The following SHROOM3 variants were observed in gnomAD, a reference collection of about 807,000 sequenced individuals.
SHROOM3 encodes the protein shroom family member 3.
SHROOM3 carries 47 observed loss-of-function variants against 138.6 expected under a neutral mutation model. The observed-to-expected ratio is 0.34, with a 90% confidence interval of 0.27 to 0.43. The LOEUF (loss-of-function observed/expected upper bound fraction) is 0.43. Ranked by LOEUF, SHROOM3 falls within the 20% of genes least tolerant of loss-of-function variation. SHROOM3 has a pLI of 1.00. For synonymous variants in SHROOM3, 1,062 were observed against 1,063.3 expected (o/e 1.00, Z 0.02); for missense variants, 2,491 against 2,596.5 (o/e 0.96, Z 0.88).
rs868235804 is a variant in SHROOM3, at chr4:76,472,847, G to A, written c.168+36627G>A. 3.9e-5 allele frequency among the ~76,000 whole-genome samples: 6 copies of A among 152,042 alleles called. No individual in the cohort carries two copies. The Middle Eastern group carries it at 0.01, about 259-fold the overall frequency. On this transcript the variant is annotated intron_variant, in intron 1 of 10. Transcript: ENST00000296043. ...GTAGCTGGGACTACAGACATGTGCC[G>A]CCATGTCCAGCTAATTTTTGTATTT...
intron 2 of SHROOM3, among the ~76,000 whole-genome samples, chr4:76,617,865 A>G (rs1467122926): frequency 6.6e-6 from 1 of 152,266 alleles, no homozygotes; most frequent in African/African-American, 2.4e-5. Flanking sequence ...TAGAATGAGA[A>G]TTTGAAACTT....
chr4:76,739,178 C>T lies in SHROOM3; in HGVS notation c.1005C>T (p.Ala335=). 6.2e-7 allele frequency: 1 copy of T among 1,614,096 alleles called. No individual in the cohort carries two copies. Among genetic ancestry groups the T allele is most frequent in the South Asian group, 1.1e-5 (1 of 91,076 alleles). Residue 335 remains alanine (A), a synonymous_variant, in exon 5 of 11, where the codon GCC becomes GCT. Coordinates refer to ENST00000296043, the MANE Select transcript of SHROOM3 (RefSeq NM_020859.4). ...SSALLLQGRE[A]RASANGQGYD... ...CCCTGCTGCTTCAAGGTAGGGAGGC[C>T]CGAGCCTCAGCAAATGGTCAGGGCT... is the stretch of plus-strand genomic sequence containing the variant.
At chr4:76,686,098 C>T (rs1719327756) in intron 2 of SHROOM3, among the ~76,000 whole-genome samples, 1 of 152,102 alleles carries the variant, frequency 6.6e-6, no homozygotes, top group South Asian at 2.1e-4. Context: ...GCTTCAAACT[C>T]CTAGGTACAA....
In SHROOM3 at chr4:76,780,855, G is replaced by C. The variant is rs191618431; in HGVS notation, c.*1678G>C. 1 of 152,186 alleles carries C rather than the reference G, an allele frequency of 6.6e-6. No individual in the cohort carries two copies. The highest frequency in any genetic ancestry group is 1.5e-5 in the Non-Finnish European group (1 of 68,062). 9.4% of individuals were successfully genotyped at this position (152,186 alleles called of 1,614,324 possible). A position where few individuals can be genotyped will look rare whatever the true frequency, so the allele number is the denominator to read the frequency against. Reference sequence around the variant, plus strand: ...CAGGAAAGCAGTAGAACCAGTGACAGCATTCAACAGCCACACTGCATGGTC... The same window carrying C: ...CAGGAAAGCAGTAGAACCAGTGACACCATTCAACAGCCACACTGCATGGTC... On this transcript the variant is annotated 3_prime_UTR_variant, in exon 11 of 11. Coordinates refer to ENST00000296043, the MANE Select transcript of SHROOM3 (RefSeq NM_020859.4).
intron 1 of SHROOM3, among the ~76,000 whole-genome samples, chr4:76,437,797 T>A (rs975742962): frequency 6.6e-6 from 1 of 152,230 alleles, no homozygotes; most frequent in African/African-American, 2.4e-5. Flanking sequence ...CAGATAATTC[T>A]GCAATGAACA....
At chr4:76,769,490 C>T (rs1489978075) in intron 9 of SHROOM3, among the ~76,000 whole-genome samples, 9 of 152,176 alleles carry the variant, frequency 5.9e-5, no homozygotes, top group Non-Finnish European at 1.3e-4. Context: ...TGAATTCAAA[C>T]TAGAAGCCAC....
At chr4:76,506,288 T>C (rs1391295446) in intron 1 of SHROOM3, among the ~76,000 whole-genome samples, 1 of 152,060 alleles carries the variant, frequency 6.6e-6, no homozygotes, top group Non-Finnish European at 1.5e-5. Context: ...GATGATGGGT[T>C]GATGGGTGCA....
chr4:76,778,766 C>T (rs778761522), intron 10 of SHROOM3, 43 bp from the exon 11 acceptor site: 45 of 1,611,614 alleles, frequency 2.8e-5, no homozygotes, highest in Non-Finnish European at 3.7e-5. Flanking sequence ...CTCTTTTCTC[C>T]CTTTCCCTGG....
chr4:76,438,031 T>A (rs1730595679), intron 1 of SHROOM3, among the ~76,000 whole-genome samples: 1 of 152,128 alleles, frequency 6.6e-6, no homozygotes, highest in Admixed American at 6.5e-5. Context: ...AACCATGCAT[T>A]TAGGTTAGTG....
intron 2 of SHROOM3, among the ~76,000 whole-genome samples, chr4:76,682,008 A>G (rs910936966): frequency 6.7e-6 from 1 of 149,896 alleles, no homozygotes; most frequent in Non-Finnish European, 1.5e-5. Flanking sequence ...CCTACATAAC[A>G]CTCCTAACTC....
chr4:76,779,077 C>T lies in SHROOM3; in HGVS notation c.5891C>T (p.Ala1964Val), dbSNP rs372475659. 1.2e-6 allele frequency: 2 copies of T among 1,614,082 alleles called. No homozygotes were observed. Among genetic ancestry groups the T allele is most frequent in the African/African-American group, 2.7e-5 (2 of 74,944 alleles). Residue 1964 changes from alanine to valine, a missense_variant, in exon 11 of 11, where the codon GCT becomes GTT. By Grantham distance (64) the Ala-to-Val change is moderately conservative (BLOSUM62 0). Transcript: ENST00000296043. ...ESLPSDFIPK[A>V]GALALPPNLT... ...CTGCCCTCAGATTTCATTCCCAAGG[C>T]TGGGGCCCTGGCTCTGCCCCCAAAC...
intron 1 of SHROOM3, among the ~76,000 whole-genome samples, chr4:76,447,726 A>G (rs1730843238): frequency 6.6e-6 from 1 of 152,212 alleles, no homozygotes; most frequent in Non-Finnish European, 1.5e-5. Flanking sequence ...AGGCAGCAGG[A>G]GGAAGGTTAA....
At chr4:76,611,419 T>C (rs917475417) in intron 2 of SHROOM3, among the ~76,000 whole-genome samples, 1 of 152,114 alleles carries the variant, frequency 6.6e-6, no homozygotes, top group African/African-American at 2.4e-5. Flanking sequence ...GATTTTTTTC[T>C]AAGAGCCATG....
Position 76,754,957 on chromosome 4 carries a change from T to C in SHROOM3, c.4474T>C (p.Ser1492Pro). 6.2e-7 allele frequency: 1 copy of C among 1,614,076 alleles called. No individual in the cohort carries two copies. Among genetic ancestry groups the C allele is most frequent in the South Asian group, 1.1e-5 (1 of 91,080 alleles). ...PGRISLRISESVLRDSPPPHE... is the reference protein window; with the variant it reads ...PGRISLRISEPVLRDSPPPHE... ...GAGGATCTCCCTCCGAATATCTGAG[T>C]CTGTCCTGCGGGACTCCCCGCCACC... is the stretch of plus-strand genomic sequence containing the variant. Residue 1492 changes from serine (S) to proline (P), a missense_variant, in exon 7 of 11, where the codon TCT becomes CCT. By Grantham distance (74) the Ser-to-Pro change is moderately conservative. Coordinates refer to ENST00000296043, the MANE Select transcript of SHROOM3 (RefSeq NM_020859.4).
Position 76,436,074 on chromosome 4 carries a change from T to C in SHROOM3, c.22T>C (p.Phe8Leu), listed in dbSNP as rs781024787. The change falls in exon 1 of 11, where the codon TTC (phenylalanine) becomes CTC (leucine). Residue 8 changes from phenylalanine to leucine, a missense_variant. Around this residue, in one of 4 missense-constraint regions of SHROOM3, gnomAD observed 284 missense variants for 322.8 expected, o/e 0.88. Coordinates refer to ENST00000296043, the MANE Select transcript of SHROOM3 (RefSeq NM_020859.4). ...TGGCATGATGAGGACCACTGAAGAC[T>C]TCCACAAGCCTAGTGCCACATTAAA... MMRTTED[F>L]HKPSATLNSN... 6 of 1,613,976 alleles carry C rather than the reference T, an allele frequency of 3.7e-6. No homozygotes were observed. The Admixed American group carries it at 1.0e-4, about 27-fold the overall frequency.
intron 1 of SHROOM3, among the ~76,000 whole-genome samples, chr4:76,535,360 C>A (rs1434624597): frequency 6.6e-6 from 1 of 152,108 alleles, no homozygotes; most frequent in African/African-American, 2.4e-5. Flanking sequence ...TGATTCTTCC[C>A]CCATATTTGA....
chr4:76,607,830 C>T (rs1734654800), intron 2 of SHROOM3, among the ~76,000 whole-genome samples: 1 of 152,190 alleles, frequency 6.6e-6, no homozygotes, highest in African/African-American at 2.4e-5. Flanking sequence ...CCTGGTAATC[C>T]ATGGAAATGA....
chr4:76,693,366 G>GTTTTTTTTTTTTTTTTTTTTTTTT (rs1429298697), intron 2 of SHROOM3, among the ~76,000 whole-genome samples: 1 of 60,100 alleles, frequency 1.7e-5, no homozygotes, highest in African/African-American at 7.1e-5. Context: ...ATTTTGATAA[G>GTTTTTTTTTTTTTTTTTTTTTTTT]TTTGTTTTTT....
intron 2 of SHROOM3, among the ~76,000 whole-genome samples, chr4:76,562,686 C>T (rs1293145164): frequency 6.6e-6 from 1 of 152,198 alleles, no homozygotes; most frequent in Non-Finnish European, 1.5e-5. Flanking sequence ...CACCTCTCCA[C>T]CCCCTCACCT....
Sources: allele counts gnomAD v4.1 joint callset (sites outside exome capture counted in the v4.1 genomes callset), GRCh38; gene constraint gnomAD v4.1.1; regional missense constraint gnomAD v4.1.1; transcripts MANE v1.5; gene names NCBI Gene and HGNC (gene_info 2026-07-23, HGNC 2026-07-21).